The following AGAP1 variants were observed in gnomAD, a reference collection of about 807,000 sequenced individuals.
The protein encoded by AGAP1 is arf-GAP with GTPase, ANK repeat and PH domain-containing protein 1.
A neutral mutation model predicts 105.3 loss-of-function variants in AGAP1; 29 were observed. That is an observed-to-expected ratio of 0.28 (90% confidence interval 0.21 to 0.38). AGAP1 has a LOEUF of 0.38. Ranked by LOEUF, AGAP1 falls within the 10% of genes least tolerant of loss-of-function variation. AGAP1 has a pLI of 1.00. For synonymous variants in AGAP1, 509 were observed against 485.9 expected, an observed-to-expected ratio of 1.05 and a Z score of -0.63; for missense variants, 998 against 1,165.1, an observed-to-expected ratio of 0.86 and a Z score of 2.09.
rs1402463788 is a variant in AGAP1, at chr2:236,003,242, G to A, written c.1646-33319G>A. On this transcript the variant is annotated intron_variant, in intron 13 of 17. Coordinates refer to ENST00000304032, the MANE Select transcript of AGAP1 (RefSeq NM_001037131.3). This position sits in a 1 kb window ranked among gnomAD's most constrained non-coding sequence, Gnocchi z 4.2. ...GTATTTTTAGTAGAGACGGGGTTTT[G>A]CCATGTTGCCCAGGCTGGTCTCGAA... is the stretch of plus-strand genomic sequence containing the variant. Among the ~76,000 whole-genome samples, 1 of 152,058 alleles carries A rather than the reference G, an allele frequency of 6.6e-6. No individual in the cohort carries two copies.
Position 235,535,288 on chromosome 2 carries a change from C to T in AGAP1, c.163+40439C>T, listed in dbSNP as rs975772625. On this transcript the variant is annotated intron_variant, in intron 1 of 17. Transcript: ENST00000304032. The surrounding 1 kb of genome is among the most constrained non-coding windows in gnomAD (Gnocchi z 5.1). ...TTTCATCTGCACGTCTCTTTCAATG[C>T]GGGCGTGCGAACTTCCAGGTAGAGC... 1.3e-5 allele frequency among the ~76,000 whole-genome samples: 2 copies of T among 152,074 alleles called. No individual in the cohort carries two copies. Among genetic ancestry groups the T allele is most frequent in the Non-Finnish European group, 2.9e-5 (2 of 68,010 alleles).
In AGAP1 at chr2:235,566,279, C is replaced by T. The variant is rs1036858165; in HGVS notation, c.163+71430C>T. On this transcript the variant is annotated intron_variant, in intron 1 of 17. Transcript: ENST00000304032. The surrounding 1 kb of genome is among the most constrained non-coding windows in gnomAD (Gnocchi z 5.2). ...GCTAATTTTGTATTTTTAGTACAGA[C>T]GGAGTTTCTCCATGTTTGTCAGGCT... Among the ~76,000 whole-genome samples, 6 of 152,052 alleles carry T rather than the reference C, an allele frequency of 3.9e-5. No homozygotes were observed. The highest frequency in any genetic ancestry group is 6.6e-5 in the Admixed American group (1 of 15,258).
At chr2:235,624,591 A>G (rs908866964) in intron 1 of AGAP1, among the ~76,000 whole-genome samples, 23 of 152,168 alleles carry the variant, frequency 1.5e-4, no homozygotes, top group Admixed American at 1.0e-3. Context: ...TGTAAAGTGT[A>G]TGTGCGTGTG....
chr2:235,838,211 G>T (rs568650753), intron 9 of AGAP1, among the ~76,000 whole-genome samples: 88 of 151,734 alleles, frequency 5.8e-4, no homozygotes, highest in Non-Finnish European at 9.6e-4. Context: ...AAAGAAAAGA[G>T]GGAATGCCAG....
intron 10 of AGAP1, among the ~76,000 whole-genome samples, chr2:235,894,324 A>G (rs1393974907): frequency 6.6e-6 from 1 of 152,172 alleles, no homozygotes; most frequent in African/African-American, 2.4e-5. Flanking sequence ...CAGAGCCTAC[A>G]CTCACATCCT....
In AGAP1 at chr2:235,716,637, A is replaced by G. The variant is rs1951120517; in HGVS notation, c.223-920A>G. The stretch of plus-strand genomic sequence containing the variant: ...TAAATTTGATCACTAGCGATGTTCT[A>G]GTGGGGGAGGAAAAGGTTAAAATGC... On this transcript the variant is annotated intron_variant, in intron 2 of 17. Transcript: ENST00000304032. This position sits in a 1 kb window ranked among gnomAD's most constrained non-coding sequence, Gnocchi z 4.0. Among the ~76,000 whole-genome samples the G allele has an allele frequency of 6.6e-6, 1 of 152,096 alleles. No homozygotes were observed. The highest frequency in any genetic ancestry group is 1.5e-5 in the Non-Finnish European group (1 of 68,028).
intron 16 of AGAP1, among the ~76,000 whole-genome samples, chr2:236,085,811 C>A (rs1369782613): frequency 6.6e-6 from 1 of 152,244 alleles, no homozygotes; most frequent in Non-Finnish European, 1.5e-5. Context: ...AGGATGTGGC[C>A]CAGCCGGCTT....
intron 6 of AGAP1, among the ~76,000 whole-genome samples, chr2:235,781,181 T>C (rs547661170): frequency 6.6e-6 from 1 of 152,298 alleles, no homozygotes; most frequent in African/African-American, 2.4e-5. Context: ...TTGTTGAAGC[T>C]CAGTCTTGTG....
rs1952596892 is a variant in AGAP1, at chr2:235,741,733, T to C, written c.396+685T>C. ...TTATTATTGTTGTTGTTGTTATTAT[T>C]ATTATTGTTATTTTTTATTATTTAT... On this transcript the variant is annotated intron_variant, in intron 4 of 17. Coordinates refer to ENST00000304032, the MANE Select transcript of AGAP1 (RefSeq NM_001037131.3). The surrounding 1 kb of genome is among the most constrained non-coding windows in gnomAD (Gnocchi z 4.9). Among the ~76,000 whole-genome samples, 1 of 150,924 alleles carries C rather than the reference T, an allele frequency of 6.6e-6. No homozygotes were observed. The highest frequency in any genetic ancestry group is 6.6e-5 in the Admixed American group (1 of 15,162).
chr2:235,680,864 G>A lies in AGAP1; in HGVS notation c.164-28315G>A, dbSNP rs116809180. The stretch of plus-strand genomic sequence containing the variant: ...CTCCACACTTCCTGGGCCAGCTTCC[G>A]CCTCTGAACACCTGAGCTGACACTG... On this transcript the variant is annotated intron_variant, in intron 1 of 17. Transcript: ENST00000304032. Among the ~76,000 whole-genome samples the A allele has an allele frequency of 8.0e-3, 1,223 of 152,112 alleles. 23 individuals carry two copies. The highest frequency in any genetic ancestry group is 0.028 in the African/African-American group (1,162 of 41,492).
At chr2:235,880,345 T>C (rs2049954065) in intron 9 of AGAP1, among the ~76,000 whole-genome samples, 1 of 151,984 alleles carries the variant, frequency 6.6e-6, no homozygotes. Context: ...CCAGCATTTG[T>C]CTGAGTGGGA....
chr2:235,923,726 A>G (rs925089165), intron 11 of AGAP1, among the ~76,000 whole-genome samples: 9 of 152,162 alleles, frequency 5.9e-5, no homozygotes, highest in Admixed American at 2.0e-4. Context: ...TGATGTACCT[A>G]CAGTGATGGA....
rs1409227624 is a variant in AGAP1, at chr2:235,569,599, G to C, written c.163+74750G>C. ...CTGTGAGCAAACCTTCCTGTGGATA[G>C]GTTTGGAGGATTCGAAGGACATCCC... is the stretch of plus-strand genomic sequence containing the variant. On this transcript the variant is annotated intron_variant, in intron 1 of 17. Coordinates refer to ENST00000304032, the MANE Select transcript of AGAP1 (RefSeq NM_001037131.3). This position sits in a 1 kb window ranked among gnomAD's most constrained non-coding sequence, Gnocchi z 5.9. 6.6e-6 allele frequency among the ~76,000 whole-genome samples: 1 copy of C among 152,176 alleles called. No homozygotes were observed. The highest frequency in any genetic ancestry group is 1.5e-5 in the Non-Finnish European group (1 of 68,044).
intron 2 of AGAP1, among the ~76,000 whole-genome samples, chr2:235,715,417 GGAAAGCAGGGAAGCTTTCCCAAGA>G (rs1482460293): frequency 6.6e-6 from 1 of 152,124 alleles, no homozygotes; most frequent in African/African-American, 2.4e-5. Context: ...GGGGGTGAGG[GGAAAGCAGGGAAGCTTTCCCAAGA>G]GAAAGTGAAG....
At chr2:236,043,967 C>A (rs1028749891) in intron 15 of AGAP1, among the ~76,000 whole-genome samples, 1 of 152,132 alleles carries the variant, frequency 6.6e-6, no homozygotes, top group African/African-American at 2.4e-5. Flanking sequence ...GGTAACAGCT[C>A]CCTGACCCCC....
In AGAP1 at chr2:235,799,106, T is replaced by G. The variant is rs1356347565; in HGVS notation, c.802-261T>G. On this transcript the variant is annotated intron_variant, in intron 7 of 17. Coordinates refer to ENST00000304032, the MANE Select transcript of AGAP1 (RefSeq NM_001037131.3). The surrounding 1 kb of genome is among the most constrained non-coding windows in gnomAD (Gnocchi z 5.0). Reference sequence around the variant, plus strand: ...CAAATTTGAACTCTCAGAAATCTTTTAAGTTAAATGAAAGAGACTTCTTTG... The same window carrying G: ...CAAATTTGAACTCTCAGAAATCTTTGAAGTTAAATGAAAGAGACTTCTTTG... Among the ~76,000 whole-genome samples the G allele has an allele frequency of 6.6e-6, 1 of 152,108 alleles. No individual in the cohort carries two copies. Among genetic ancestry groups the G allele is most frequent in the Non-Finnish European group, 1.5e-5 (1 of 68,024 alleles).
At position 235,882,431 on chromosome 2, in the gene AGAP1, C is replaced by T. The variant is rs567229996; in HGVS notation, c.1051-914C>T. On this transcript the variant is annotated intron_variant, in intron 9 of 17. Transcript: ENST00000304032. The surrounding 1 kb of genome is among the most constrained non-coding windows in gnomAD (Gnocchi z 4.6). ...GCAGGGTGTTCTTCTCCTGCGTCTC[C>T]GTTTTCTTCAGCTTGGCCCTATTGA... The T allele has an allele frequency of 5.8e-5, 92 of 1,586,336 alleles. No individual in the cohort carries two copies. In the African/African-American group the frequency reaches 6.9e-4, roughly 12 times the overall value.
Position 235,882,165 on chromosome 2 carries a change from A to G in AGAP1, c.1051-1180A>G, listed in dbSNP as rs2050057242. Among the ~76,000 whole-genome samples the G allele has an allele frequency of 6.6e-6, 1 of 152,060 alleles. No homozygotes were observed. The highest frequency in any genetic ancestry group is 2.4e-5 in the African/African-American group (1 of 41,412). ...ATTATTCATAGAAATAATTTTCTAT[A>G]ATGTCCTGGGGCAAACCAGAGAATT... On this transcript the variant is annotated intron_variant, in intron 9 of 17. Transcript: ENST00000304032. This position sits in a 1 kb window ranked among gnomAD's most constrained non-coding sequence, Gnocchi z 4.6.
At position 235,616,940 on chromosome 2, in the gene AGAP1, C is replaced by T. The variant is rs537426170; in HGVS notation, c.164-92239C>T. Among the ~76,000 whole-genome samples, 78 of 151,254 alleles carry T rather than the reference C, an allele frequency of 5.2e-4. 1 individual carries two copies. Among genetic ancestry groups the T allele is most frequent in the African/African-American group, 1.6e-3 (66 of 41,102 alleles). ...TAGGGATGCTTGTAAAATGAACAAA[C>T]GTGCATCTTTAAATTTTTTTTATTT... On this transcript the variant is annotated intron_variant, in intron 1 of 17. Coordinates refer to ENST00000304032, the MANE Select transcript of AGAP1 (RefSeq NM_001037131.3).
Sources: gnomAD v4.1 joint callset for allele counts (sites outside exome capture counted in the v4.1 genomes callset) on GRCh38, gnomAD v4.1.1 for gene constraint, Gnocchi (gnomAD v3.1) non-coding constraint, MANE v1.5 for transcripts, NCBI Gene and HGNC (gene_info 2026-07-23, HGNC 2026-07-21) for gene names.